PARD3B: variants seen among roughly 807,000 people sequenced by gnomAD.
The protein encoded by PARD3B is par-3 family cell polarity regulator beta.
Under a neutral mutation model 130.2 loss-of-function variants are expected in PARD3B, and 103 were observed. That is an observed-to-expected ratio of 0.79 (90% CI 0.67 to 0.93). The LOEUF (loss-of-function observed/expected upper bound fraction) is 0.93. Among genes scored for constraint, PARD3B ranks in the 40% least tolerant of loss-of-function variants. The pLI is 0.00. For missense variants in PARD3B, 1,609 were observed against 1,499.2 expected (o/e 1.07, Z -1.21); for synonymous variants, 583 against 553.2 (o/e 1.05, Z -0.76).
At chr2:205,181,324 C>A (rs2035774787) in intron 13 of PARD3B, among the ~76,000 whole-genome samples, 1 of 152,228 alleles carries the variant, frequency 6.6e-6, no homozygotes, top group African/African-American at 2.4e-5. Flanking sequence ...GAATGACTAT[C>A]CAAGATTGAA....
chr2:205,153,190 C>A (rs1456202217), intron 10 of PARD3B, among the ~76,000 whole-genome samples: 1 of 152,200 alleles, frequency 6.6e-6, no homozygotes, highest in Non-Finnish European at 1.5e-5. Context: ...AGGTGTCAGT[C>A]AGCCCCTACT....
chr2:205,430,087 A>G (rs2047277764), intron 19 of PARD3B, among the ~76,000 whole-genome samples: 1 of 152,198 alleles, frequency 6.6e-6, no homozygotes, highest in Admixed American at 6.5e-5. Context: ...ACTTAATTAC[A>G]TGTACAGAGA....
At chr2:205,151,951 G>T (rs1330170274) in intron 10 of PARD3B, among the ~76,000 whole-genome samples, 5 of 152,168 alleles carry the variant, frequency 3.3e-5, no homozygotes, top group Non-Finnish European at 5.9e-5. Context: ...TGTAAGGCAG[G>T]CCCGGTAGTG....
chr2:204,698,072 T>C (rs1390975025), intron 2 of PARD3B, among the ~76,000 whole-genome samples: 1 of 152,104 alleles, frequency 6.6e-6, no homozygotes, highest in East Asian at 1.9e-4. Flanking sequence ...TCAGAGCCAA[T>C]GGGTTGAGTC....
chr2:205,113,901 T>C (rs1320296639), intron 6 of PARD3B, among the ~76,000 whole-genome samples: 2 of 152,146 alleles, frequency 1.3e-5, no homozygotes, highest in African/African-American at 4.8e-5. Context: ...ATGTTGCAAC[T>C]GAATTTTTTA....
chr2:205,060,511 A>T (rs1411469427), intron 4 of PARD3B, among the ~76,000 whole-genome samples: 1 of 152,116 alleles, frequency 6.6e-6, no homozygotes, highest in Non-Finnish European at 1.5e-5. Flanking sequence ...TCCCTGACTC[A>T]TCCATTGACT....
In PARD3B at chr2:204,907,720, GAC is replaced by G. The variant is rs535755088; in HGVS notation, c.223-57428_223-57427del. On this transcript the variant is annotated intron_variant, in intron 2 of 22. Transcript: ENST00000406610. The surrounding 1 kb of genome is among the most constrained non-coding windows in gnomAD (Gnocchi z 5.7). Reference sequence around the variant, plus strand: ...TTTTGTCTTGTTTTGTTTTGTTTTTGACACAGAGTCTCACTCTGTCACCCAGG... The same window carrying G: ...TTTTGTCTTGTTTTGTTTTGTTTTTGACAGAGTCTCACTCTGTCACCCAGG... 3.0e-4 allele frequency among the ~76,000 whole-genome samples: 45 copies of G among 151,584 alleles called. No individual in the cohort carries two copies. The South Asian group carries it at 9.5e-3, about 32-fold the overall frequency.
At chr2:205,074,895 A>G (rs1246292072) in intron 4 of PARD3B, among the ~76,000 whole-genome samples, 10 of 152,222 alleles carry the variant, frequency 6.6e-5, no homozygotes, top group Non-Finnish European at 1.0e-4. Flanking sequence ...ACATCAAAAT[A>G]TAATTAAATG....
chr2:205,422,660 A>G (rs2047009963), intron 19 of PARD3B, among the ~76,000 whole-genome samples: 1 of 152,186 alleles, frequency 6.6e-6, no homozygotes, highest in Non-Finnish European at 1.5e-5. Context: ...CCAACATTTT[A>G]TGGATCCATT....
At chr2:205,526,602 G>T (rs771717791) in intron 21 of PARD3B, among the ~76,000 whole-genome samples, 3 of 152,042 alleles carry the variant, frequency 2.0e-5, no homozygotes, top group African/African-American at 7.2e-5. Flanking sequence ...TTTCATTTTT[G>T]ACTTGGAAAC....
In PARD3B at chr2:204,664,682, A is replaced by T. The variant is rs2035950122; in HGVS notation, c.121-21499A>T. ...AACTTATAGGCAAATAGCTTTTGAG[A>T]ATTTGGACTCATTAGCAGGGCTTAT... is the stretch of plus-strand genomic sequence containing the variant. On this transcript the variant is annotated intron_variant, in intron 1 of 22. Transcript: ENST00000406610. This position sits in a 1 kb window ranked among gnomAD's most constrained non-coding sequence, Gnocchi z 5.2. 6.6e-6 allele frequency among the ~76,000 whole-genome samples: 1 copy of T among 152,128 alleles called. No individual in the cohort carries two copies. Among genetic ancestry groups the T allele is most frequent in the African/African-American group, 2.4e-5 (1 of 41,436 alleles).
rs1264562751 is a variant in PARD3B at position 204,606,344 on chromosome 2, G to A, written c.120+60225G>A. On this transcript the variant is annotated intron_variant, in intron 1 of 22. Transcript: ENST00000406610. The surrounding 1 kb of genome is among the most constrained non-coding windows in gnomAD (Gnocchi z 4.0). ...TAGTACTAAGAGGACTACTTTTTTA[G>A]TACTTTAGTTTCTCAGTCATGCTTT... 5.9e-5 allele frequency among the ~76,000 whole-genome samples: 9 copies of A among 152,088 alleles called. No individual in the cohort carries two copies. The highest frequency in any genetic ancestry group is 2.2e-4 in the African/African-American group (9 of 41,424).
Position 204,795,380 on chromosome 2 carries a change from C to T in PARD3B, c.222+109098C>T, listed in dbSNP as rs538197096. ...TGGAGTTGCTTCCAAAAGCAAGAGA[C>T]ACTACCATGGTTTGCCAAGGGTGGA... On this transcript the variant is annotated intron_variant, in intron 2 of 22. Transcript: ENST00000406610. Among the ~76,000 whole-genome samples, 37 of 152,256 alleles carry T rather than the reference C, an allele frequency of 2.4e-4. No homozygotes were observed. In the South Asian group the frequency reaches 7.0e-3, roughly 29 times the overall value.
intron 1 of PARD3B, among the ~76,000 whole-genome samples, chr2:204,592,012 A>G (rs899344240): frequency 6.6e-6 from 1 of 152,244 alleles, no homozygotes; most frequent in African/African-American, 2.4e-5. Flanking sequence ...TTTTCTACCA[A>G]TACTAACACT....
intron 4 of PARD3B, among the ~76,000 whole-genome samples, chr2:205,054,428 ATATATATATTTTTTTTTT>A (rs1448237528): frequency 6.3e-5 from 2 of 31,820 alleles, no homozygotes; most frequent in African/African-American, 2.8e-4. Context: ...ATATATATAT[ATATATATATTTTTTTTTT>A]TTTTTTTTTT....
chr2:205,605,953 A>C (rs2054978169), intron 22 of PARD3B, among the ~76,000 whole-genome samples: 1 of 152,178 alleles, frequency 6.6e-6, no homozygotes. Flanking sequence ...GGAGTTGCTT[A>C]AATTCCTGCA....
intron 15 of PARD3B, among the ~76,000 whole-genome samples, chr2:205,221,920 T>A (rs2038261133): frequency 6.6e-6 from 1 of 152,010 alleles, no homozygotes; most frequent in Admixed American, 6.6e-5. Flanking sequence ...GCTGGACACA[T>A]AGAGGGGAAC....
At chr2:205,044,727 G>A (rs932304361) in intron 3 of PARD3B, among the ~76,000 whole-genome samples, 2 of 151,976 alleles carry the variant, frequency 1.3e-5, no homozygotes, top group East Asian at 1.9e-4. Context: ...AGTAGGTTGC[G>A]AAAATTTTCT....
chr2:205,054,709 T>G (rs531434057), intron 4 of PARD3B, among the ~76,000 whole-genome samples: 1 of 151,884 alleles, frequency 6.6e-6, no homozygotes, highest in African/African-American at 2.4e-5. Context: ...ATAAATTGAC[T>G]AATCCCTTAG....
Sources: allele counts gnomAD v4.1 joint callset (sites outside exome capture counted in the v4.1 genomes callset), GRCh38; gene constraint gnomAD v4.1.1; non-coding constraint Gnocchi (gnomAD v3.1); transcripts MANE v1.5; gene names NCBI Gene and HGNC (gene_info 2026-07-23, HGNC 2026-07-21).